OLR1: variants seen among roughly 807,000 people sequenced by gnomAD.
OLR1 encodes oxidized low-density lipoprotein receptor 1.
A neutral mutation model predicts 31.7 loss-of-function variants in OLR1; 23 were observed. The ratio of observed to expected loss-of-function variants is 0.72; its 90% CI spans 0.52 to 1.03. The LOEUF (loss-of-function observed/expected upper bound fraction) is 1.03. OLR1 is among the 50% of genes least tolerant of loss of function. The probability of loss-of-function intolerance (pLI) is 0.00; values close to 1 mark genes in which losing one functional copy is unlikely to be tolerated. For synonymous variants in OLR1, 117 were observed against 115.8 expected (o/e 1.01, Z -0.07); for missense variants, 286 against 315.7 (o/e 0.91, Z 0.71).
upstream of OLR1, among the ~76,000 whole-genome samples, chr12:10,173,489 GA>G (rs2137532477): frequency 1.3e-5 from 2 of 151,892 alleles, no homozygotes; most frequent in East Asian, 3.9e-4. Flanking sequence ...AGAACAAATT[GA>G]AAAAGTTGGC....
intron 4 of OLR1, 38 bp downstream of exon 4, chr12:10,160,748 C>A (rs749276327): frequency 6.2e-7 from 1 of 1,604,326 alleles, no homozygotes; most frequent in Non-Finnish European, 8.5e-7. Flanking sequence ...TCCCTATCAA[C>A]CAATACTCCA....
intron 2 of OLR1, chr12:10,167,791 C>T (rs751187008): frequency 6.6e-5 from 10 of 151,702 alleles, no homozygotes; most frequent in African/African-American, 2.2e-4. Flanking sequence ...CCCTTGGCCA[C>T]GGTACATTTT....
chr12:10,174,012 C>T (rs571289688), upstream of OLR1, among the ~76,000 whole-genome samples: 24 of 152,180 alleles, frequency 1.6e-4, no homozygotes, highest in Admixed American at 1.2e-3. Flanking sequence ...TCTATACCCA[C>T]CAAGCAATAA....
chr12:10,160,318 A>C, intron 5 of OLR1, 29 bp downstream of exon 5: 1 of 1,533,774 alleles, frequency 6.5e-7, no homozygotes, highest in Non-Finnish European at 9.0e-7. Flanking sequence ...AACTGACGAG[A>C]GAGGCATCAA....
At chr12:10,175,458 G>C (rs963777416), upstream of OLR1, 1 of 152,104 alleles carries the variant, frequency 6.6e-6, no homozygotes, top group African/African-American at 2.4e-5. Flanking sequence ...ACTAAGTTGT[G>C]CCCACACTTC....
At chr12:10,171,721 T>C (rs941663412) in intron 1 of OLR1, among the ~76,000 whole-genome samples, 1 of 152,188 alleles carries the variant, frequency 6.6e-6, no homozygotes, top group African/African-American at 2.4e-5. Context: ...ATAGTAATAG[T>C]ACCAATCTCA....
intron 3 of OLR1, among the ~76,000 whole-genome samples, chr12:10,163,839 G>C (rs1475099500): frequency 6.6e-6 from 1 of 152,012 alleles, no homozygotes; most frequent in Non-Finnish European, 1.5e-5. Context: ...GCTGAGGCAG[G>C]AGAATTGCTT....
At chr12:10,168,158 C>G (rs968662303) in intron 2 of OLR1, among the ~76,000 whole-genome samples, 2 of 152,214 alleles carry the variant, frequency 1.3e-5, no homozygotes, top group African/African-American at 4.8e-5. Flanking sequence ...AATTCACAGG[C>G]AGTTCAGGTG....
upstream of OLR1, among the ~76,000 whole-genome samples, chr12:10,172,662 T>G (rs892386484): frequency 2.0e-5 from 3 of 152,232 alleles, no homozygotes; most frequent in Non-Finnish European, 2.9e-5. Context: ...TATCTGGGGC[T>G]ACTAGTTCAT....
chr12:10,171,958 A>T (rs771920236), intron 1 of OLR1, 44 bp downstream of exon 1: 15 of 1,427,010 alleles, frequency 1.1e-5, no homozygotes, highest in African/African-American at 1.4e-5. Flanking sequence ...TTTGGGGCTA[A>T]CACTGGGATT....
Position 10,158,640 on chromosome 12 carries a change from C to G in OLR1, c.*1240G>C, listed in dbSNP as rs927992878. 6.6e-6 allele frequency: 1 copy of G among 152,172 alleles called. No individual in the cohort carries two copies. The highest frequency in any genetic ancestry group is 1.5e-5 in the Non-Finnish European group (1 of 68,044). 9.4% of individuals were successfully genotyped at this position (152,172 alleles called of 1,614,324 possible). A position where few individuals can be genotyped will look rare whatever the true frequency, so the allele number is the denominator to read the frequency against. On this transcript the variant is annotated 3_prime_UTR_variant, in exon 6 of 6. Coordinates refer to ENST00000309539, the MANE Select transcript of OLR1 (RefSeq NM_002543.4). ...CTTTGAGGGATGATGGATATGTTCA[C>G]TCTCTTAATTGTAGTATGCATGTTC...
Position 10,159,222 on chromosome 12 carries a change from G to C in OLR1, c.*658C>G, listed in dbSNP as rs1948598916. Reference sequence around the variant, plus strand: ...ATTCAGGAAGTGGTAACAGGTTGTGGATTAGCTTACAGAAAAGACCACTCA... The same window carrying C: ...ATTCAGGAAGTGGTAACAGGTTGTGCATTAGCTTACAGAAAAGACCACTCA... On this transcript the variant is annotated 3_prime_UTR_variant, in exon 6 of 6. Coordinates refer to ENST00000309539, the MANE Select transcript of OLR1 (RefSeq NM_002543.4). The C allele has an allele frequency of 6.6e-6, 1 of 151,968 alleles. No individual in the cohort carries two copies. The highest frequency in any genetic ancestry group is 1.5e-5 in the Non-Finnish European group (1 of 68,056). 9.4% of individuals were successfully genotyped at this position (151,968 alleles called of 1,614,324 possible).
chr12:10,166,709 T>C lies in OLR1; in HGVS notation c.424+3A>G, dbSNP rs763454465. 6.2e-7 allele frequency: 1 copy of C among 1,613,996 alleles called. No individual in the cohort carries two copies. The highest frequency in any genetic ancestry group is 1.7e-5 in the Admixed American group (1 of 59,998). Reference sequence around the variant, plus strand: ...GTCTCCTTACCCACCCTTCTCCCAATACCTGAACAATTTGCTACTCTCTTC... The same window carrying C: ...GTCTCCTTACCCACCCTTCTCCCAACACCTGAACAATTTGCTACTCTCTTC... On this transcript the variant is annotated splice_donor_region_variant and intron_variant, in intron 3 of 5. Coordinates refer to ENST00000309539, the MANE Select transcript of OLR1 (RefSeq NM_002543.4).
chr12:10,159,016 A>G lies in OLR1; in HGVS notation c.*864T>C, dbSNP rs1948597374. On this transcript the variant is annotated 3_prime_UTR_variant, in exon 6 of 6. Transcript: ENST00000309539. ...TTTTTTTTGTCTTGTATGTTTCGGA[A>G]TTATAGCATAGCAAAACAGAGTTGA... 6.6e-6 allele frequency: 1 copy of G among 152,210 alleles called. No homozygotes were observed. The highest frequency in any genetic ancestry group is 2.4e-5 in the African/African-American group (1 of 41,438). The allele number at this position is 152,210 out of a possible 1,614,324, so 9.4% of individuals were successfully genotyped here. A position where few individuals can be genotyped will look rare whatever the true frequency, so the allele number is the denominator to read the frequency against.
At position 10,166,734 on chromosome 12, in the gene OLR1, CA is replaced by C; in HGVS notation, c.401del (p.Leu134ArgfsTer4). 6.2e-7 allele frequency: 1 copy of C among 1,614,050 alleles called. No homozygotes were observed. Among genetic ancestry groups the C allele is most frequent in the Non-Finnish European group, 8.5e-7 (1 of 1,180,022 alleles). On this transcript the variant is annotated frameshift_variant, in exon 3 of 6. Transcript: ENST00000309539. LOFTEE classifies it high-confidence loss of function. Reference protein sequence around the residue: ...HHQNLNLQETLKRVANCSAPC... With the variant: ...HHQNLNLQETXKRVANCSAPC... ...TACCTGAACAATTTGCTACTCTCTT[CA>C]GTGTTTCTTGGAGATTCAGATTCTG... is the stretch of plus-strand genomic sequence containing the variant.
intron 4 of OLR1, 130 bp downstream of exon 4, chr12:10,160,656 G>T: frequency 4.1e-6 from 5 of 1,208,348 alleles, no homozygotes; most frequent in Non-Finnish European, 4.8e-6. Context: ...ACACAAAATT[G>T]GTGATCAGAC....
At chr12:10,170,423 G>A (rs1375944880) in intron 1 of OLR1, 1 of 150,940 alleles carries the variant, frequency 6.6e-6, no homozygotes, top group East Asian at 2.0e-4. Flanking sequence ...ATACCTCTAT[G>A]TAAATCTTTC....
At chr12:10,168,653 C>G (rs1165292482) in intron 2 of OLR1, among the ~76,000 whole-genome samples, 2 of 152,128 alleles carry the variant, frequency 1.3e-5, no homozygotes, top group Non-Finnish European at 2.9e-5. Flanking sequence ...GCCACCACAC[C>G]CGGCTACTTT....
At chr12:10,166,683 T>C in intron 3 of OLR1, 29 bp downstream of exon 3, 1 of 1,612,384 alleles carries the variant, frequency 6.2e-7, no homozygotes, top group Non-Finnish European at 8.5e-7. Context: ...GCTTCCACTA[T>C]GTCTCCTTAC....
Sources: gnomAD v4.1 joint callset for allele counts (sites outside exome capture counted in the v4.1 genomes callset) on GRCh38, gnomAD v4.1.1 for gene constraint, MANE v1.5 for transcripts, NCBI Gene and HGNC (gene_info 2026-07-23, HGNC 2026-07-21) for gene names.